KAZN: variants seen among roughly 807,000 people sequenced by gnomAD.
The protein encoded by KAZN is kazrin, periplakin interacting protein, also known as kazrin.
KAZN carries 40 observed loss-of-function variants against 87.4 expected under a neutral mutation model. That is an observed-to-expected ratio of 0.46 (90% CI 0.36 to 0.60). The LOEUF is 0.60. Among genes scored for constraint, KAZN ranks in the 20% least tolerant of loss-of-function variants. The pLI, the probability that KAZN is intolerant of heterozygous loss-of-function variation, is 0.00. For synonymous variants in KAZN, 466 were observed against 458.3 expected (o/e 1.02, Z -0.22); for missense variants, 898 against 1,073.9 (o/e 0.84, Z 2.29).
intron 1 of KAZN, among the ~76,000 whole-genome samples, chr1:14,755,798 C>A (rs1461898634): frequency 6.6e-6 from 1 of 152,178 alleles, no homozygotes; most frequent in Non-Finnish European, 1.5e-5. Flanking sequence ...GGAAGAAAAG[C>A]ACTGGCCAAG....
intron 1 of KAZN, among the ~76,000 whole-genome samples, chr1:13,896,646 G>A (rs1439648622): frequency 6.6e-6 from 1 of 152,098 alleles, no homozygotes; most frequent in Non-Finnish European, 1.5e-5. Context: ...AATACACAGG[G>A]GTTGCCCGCA....
chr1:14,677,895 A>AT (rs1640328000), intron 1 of KAZN, among the ~76,000 whole-genome samples: 1 of 152,180 alleles, frequency 6.6e-6, no homozygotes, highest in Non-Finnish European at 1.5e-5. Flanking sequence ...CCAGGTGTCC[A>AT]TGCAGCTGGT....
intron 1 of KAZN, among the ~76,000 whole-genome samples, chr1:14,640,901 T>A (rs909635638): frequency 6.6e-6 from 1 of 152,214 alleles, no homozygotes; most frequent in African/African-American, 2.4e-5. Flanking sequence ...TCAGAGTCTC[T>A]TGCACTTCCA....
chr1:14,777,367 G>T (rs1050160221), intron 1 of KAZN, among the ~76,000 whole-genome samples: 13 of 152,108 alleles, frequency 8.5e-5, no homozygotes, highest in Admixed American at 5.9e-4. Context: ...CTCATGATAC[G>T]TAGCTAATGA....
intron 1 of KAZN, chr1:14,924,300 G>T: frequency 1.0e-6 from 1 of 984,872 alleles, no homozygotes; most frequent in South Asian, 4.6e-5. Context: ...CCGGGTCTGT[G>T]AGCCCGGCGC....
At chr1:14,278,000 A>G (rs1481660980) in intron 2 of KAZN, among the ~76,000 whole-genome samples, 1 of 151,440 alleles carries the variant, frequency 6.6e-6, no homozygotes, top group Non-Finnish European at 1.5e-5. Context: ...GTTGCTCCCA[A>G]ACCTGACTGG....
At chr1:15,075,760 C>T (rs1046933298) in intron 8 of KAZN, among the ~76,000 whole-genome samples, 12 of 152,110 alleles carry the variant, frequency 7.9e-5, no homozygotes, top group South Asian at 2.1e-4. Flanking sequence ...CAGAAGAGCC[C>T]GACAGATTGG....
rs1557618913 is a variant in KAZN, at chr1:14,290,207, A to C, written c.249+109615A>C. On this transcript the variant is annotated intron_variant, in intron 2 of 16. Transcript: ENST00000636203. ...TTTGTGGTGTTCTCTGTATTTCCTG[A>C]ATTTGAATGTTGGCCTACTTTGCTA... 2.0e-5 allele frequency among the ~76,000 whole-genome samples: 3 copies of C among 152,178 alleles called. No individual in the cohort carries two copies. In the East Asian group the frequency reaches 5.8e-4, roughly 29 times the overall value.
chr1:14,589,349 A>AG (rs201421578), intron 2 of KAZN, among the ~76,000 whole-genome samples: 8 of 148,922 alleles, frequency 5.4e-5, no homozygotes, highest in African/African-American at 1.2e-4. Flanking sequence ...AAAAAAAGGG[A>AG]GGGGGGGCAG....
intron 2 of KAZN, among the ~76,000 whole-genome samples, chr1:14,314,852 C>T (rs1038444130): frequency 6.6e-6 from 1 of 152,076 alleles, no homozygotes; most frequent in Admixed American, 6.6e-5. Context: ...TCCCCAGTCC[C>T]TGGAAACCAC....
intron 1 of KAZN, among the ~76,000 whole-genome samples, chr1:14,802,060 A>T (rs2100743138): frequency 6.6e-6 from 1 of 152,004 alleles, no homozygotes; most frequent in South Asian, 2.1e-4. Context: ...GCTTTTTAGA[A>T]TGATCTCGTC....
chr1:14,541,719 G>C (rs1387513028), intron 2 of KAZN, among the ~76,000 whole-genome samples: 1 of 152,202 alleles, frequency 6.6e-6, no homozygotes, highest in African/African-American at 2.4e-5. Flanking sequence ...AAGTGTTTCT[G>C]TCTGTTCCAG....
At chr1:14,187,674 T>C (rs1646336952) in intron 2 of KAZN, among the ~76,000 whole-genome samples, 1 of 152,138 alleles carries the variant, frequency 6.6e-6, no homozygotes, top group South Asian at 2.1e-4. Context: ...TAGCATCCAG[T>C]AGGTAGAAGC....
chr1:14,475,156 TG>T (rs1668652127), intron 2 of KAZN, among the ~76,000 whole-genome samples: 1 of 151,992 alleles, frequency 6.6e-6, no homozygotes. Flanking sequence ...GATGGATGGA[TG>T]GATGGATAGT....
chr1:14,602,006 T>C (rs1229152375), intron 1 of KAZN, among the ~76,000 whole-genome samples: 1 of 152,242 alleles, frequency 6.6e-6, no homozygotes, highest in Non-Finnish European at 1.5e-5. Flanking sequence ...TTTTTGTTTT[T>C]GTTTTTTAAA....
intron 1 of KAZN, among the ~76,000 whole-genome samples, chr1:14,039,330 C>G (rs996996632): frequency 3.3e-5 from 5 of 152,200 alleles, no homozygotes; most frequent in African/African-American, 1.2e-4. Flanking sequence ...ATGAGCTGCC[C>G]TCTTATCAAG....
chr1:14,944,447 G>A (rs935633077), intron 1 of KAZN, among the ~76,000 whole-genome samples: 8 of 141,894 alleles, frequency 5.6e-5, no homozygotes, highest in Admixed American at 3.3e-4. Flanking sequence ...TGCCTGCCAC[G>A]GCCCCTGGAG....
intron 2 of KAZN, among the ~76,000 whole-genome samples, chr1:14,456,486 T>C (rs1277614728): frequency 6.6e-6 from 1 of 152,244 alleles, no homozygotes; most frequent in African/African-American, 2.4e-5. Flanking sequence ...ATGTATTGTC[T>C]GGCATGTATA....
chr1:14,818,773 G>T (rs1646650118), intron 1 of KAZN, among the ~76,000 whole-genome samples: 1 of 152,190 alleles, frequency 6.6e-6, no homozygotes, highest in Non-Finnish European at 1.5e-5. Flanking sequence ...GAACTGAAGA[G>T]GCCAGGCATG....
Sources: gnomAD v4.1 joint callset for allele counts (sites outside exome capture counted in the v4.1 genomes callset) on GRCh38, gnomAD v4.1.1 for gene constraint, MANE v1.5 for transcripts, NCBI Gene and HGNC (gene_info 2026-07-23, HGNC 2026-07-21) for gene names.